FBN1: variants seen among roughly 807,000 people sequenced by gnomAD.
The protein encoded by FBN1 is fibrillin 1.
FBN1 carries 29 observed loss-of-function variants against 365.1 expected under a neutral mutation model. That is an observed-to-expected ratio of 0.08 (90% CI 0.06 to 0.11). The LOEUF is 0.11. FBN1 is among the 10% of genes least tolerant of loss of function. The pLI, the probability that FBN1 is intolerant of heterozygous loss-of-function variation, is 1.00. For synonymous variants in FBN1, 1,210 were observed against 1,270.5 expected, an observed-to-expected ratio of 0.95 and a Z score of 1.01; for missense variants, 2,476 against 3,703.2, an observed-to-expected ratio of 0.67 and a Z score of 8.60.
intron 54 of FBN1, among the ~76,000 whole-genome samples, chr15:48,433,689 A>G (rs1597523028): frequency 1.3e-5 from 2 of 152,204 alleles, no homozygotes. Context: ...CATCTCAACT[A>G]TCATGTTGCT....
intron 10 of FBN1, 125 bp from the exon 11 acceptor site, chr15:48,516,487 TCAACTGGAGAAAAGAAAAAGAAC>T: frequency 1.0e-6 from 1 of 997,760 alleles, no homozygotes; most frequent in South Asian, 1.4e-5. Flanking sequence ...AATTCACAGG[TCAACTGGAGAAAAGAAAAAGAAC>T]CAACTGACTG....
At chr15:48,562,066 T>C (rs12232320) in intron 6 of FBN1, among the ~76,000 whole-genome samples, 1 of 152,124 alleles carries the variant, frequency 6.6e-6, no homozygotes, top group Non-Finnish European at 1.5e-5. Flanking sequence ...TGTCAGTAGA[T>C]CACATTTTGG....
At chr15:48,490,458 C>A (rs1319872153) in intron 24 of FBN1, among the ~76,000 whole-genome samples, 1 of 152,188 alleles carries the variant, frequency 6.6e-6, no homozygotes, top group African/African-American at 2.4e-5. Flanking sequence ...CAGCTAAAAG[C>A]CAACTGTACT....
intron 10 of FBN1, among the ~76,000 whole-genome samples, chr15:48,519,392 C>T (rs542625587): frequency 2.8e-4 from 43 of 152,272 alleles, no homozygotes; most frequent in African/African-American, 1.0e-3. Context: ...TTGCTAAATA[C>T]TATGGAAGTG....
chr15:48,455,177 G>A (rs2043229567), intron 44 of FBN1, among the ~76,000 whole-genome samples: 1 of 152,222 alleles, frequency 6.6e-6, no homozygotes, highest in Non-Finnish European at 1.5e-5. Flanking sequence ...TCACCCTGAA[G>A]ACGGATATTC....
intron 53 of FBN1, among the ~76,000 whole-genome samples, chr15:48,436,123 A>G (rs74988309): frequency 6.6e-6 from 1 of 152,144 alleles, no homozygotes; most frequent in East Asian, 1.9e-4. Context: ...TTGTTCTACT[A>G]TAATATTCAA....
At chr15:48,425,885 A>G in intron 58 of FBN1, 21 bp from the exon 59 acceptor site, 1 of 1,569,604 alleles carries the variant, frequency 6.4e-7, no homozygotes, top group Non-Finnish European at 8.8e-7. Context: ...ACAAATATAA[A>G]TTAAGAAATA....
At chr15:48,426,459 G>C (rs1236647870) in intron 58 of FBN1, among the ~76,000 whole-genome samples, 1 of 152,052 alleles carries the variant, frequency 6.6e-6, no homozygotes, top group South Asian at 2.1e-4. Flanking sequence ...GACAGTGCTG[G>C]GTTTTTGCAG....
intron 5 of FBN1, 69 bp from the exon 6 acceptor site, chr15:48,596,447 C>A: frequency 1.4e-6 from 2 of 1,423,122 alleles, no homozygotes; most frequent in South Asian, 2.3e-5. Context: ...CACTTGTGGT[C>A]CTCTGGAAGG....
At chr15:48,588,625 C>G (rs1371881705) in intron 6 of FBN1, among the ~76,000 whole-genome samples, 1 of 152,126 alleles carries the variant, frequency 6.6e-6, no homozygotes, top group African/African-American at 2.4e-5. Context: ...ATTGAACCAC[C>G]AAGGGAACAG....
intron 1 of FBN1, among the ~76,000 whole-genome samples, chr15:48,645,344 G>A (rs1009717343): frequency 1.3e-5 from 2 of 152,306 alleles, no homozygotes; most frequent in East Asian, 1.9e-4. Context: ...CGCCGACTCC[G>A]GGCGATGCCA....
At chr15:48,583,925 G>A (rs2044416267) in intron 6 of FBN1, among the ~76,000 whole-genome samples, 1 of 152,170 alleles carries the variant, frequency 6.6e-6, no homozygotes, top group Non-Finnish European at 1.5e-5. Flanking sequence ...GCTCAAGAAT[G>A]TTGGGTTTCA....
chr15:48,572,727 G>C (rs1408314016), intron 6 of FBN1, among the ~76,000 whole-genome samples: 1 of 152,130 alleles, frequency 6.6e-6, no homozygotes, highest in African/African-American at 2.4e-5. Context: ...CATGATGGCA[G>C]TCACCTCTGG....
intron 22 of FBN1, 40 bp from the exon 23 acceptor site, chr15:48,494,294 G>T: frequency 6.6e-7 from 1 of 1,507,752 alleles, no homozygotes; most frequent in South Asian, 1.1e-5. Flanking sequence ...AAACAAATTT[G>T]AGATAACAAT....
At chr15:48,486,923 A>T (rs954045294) in intron 29 of FBN1, 152 bp downstream of exon 29, 1 of 516,870 alleles carries the variant, frequency 1.9e-6, no homozygotes, top group African/African-American at 2.0e-5. Flanking sequence ...GGAAACAAGA[A>T]AGATAAGTAA....
At chr15:48,530,592 G>A (rs1257570597) in intron 8 of FBN1, among the ~76,000 whole-genome samples, 1 of 151,178 alleles carries the variant, frequency 6.6e-6, no homozygotes, top group Non-Finnish European at 1.5e-5. Context: ...TGTATAGAGA[G>A]AGCCAGTTAC....
intron 2 of FBN1, among the ~76,000 whole-genome samples, chr15:48,617,654 G>C (rs1186028450): frequency 6.6e-6 from 1 of 152,110 alleles, no homozygotes; most frequent in African/African-American, 2.4e-5. Context: ...AAACACCCTG[G>C]GGGATGAGTG....
At chr15:48,476,847 C>T (rs35026266) in intron 32 of FBN1, 40,749 of 146,870 alleles carry the variant, frequency 0.28, 5,717 homozygotes, top group East Asian at 0.35. Context: ...GAGGCTGGTC[C>T]TGAACTCCTA....
At chr15:48,560,882 C>T (rs1290363189) in intron 6 of FBN1, among the ~76,000 whole-genome samples, 2 of 152,096 alleles carry the variant, frequency 1.3e-5, no homozygotes, top group East Asian at 3.9e-4. Context: ...GTGTGACCCT[C>T]TCTAAACCAT....
Sources: gnomAD v4.1 joint callset for allele counts (sites outside exome capture counted in the v4.1 genomes callset) on GRCh38, gnomAD v4.1.1 for gene constraint, MANE v1.5 for transcripts, NCBI Gene and HGNC (gene_info 2026-07-23, HGNC 2026-07-21) for gene names.